Variants in ADGRG3 observed in about 807,000 individuals in gnomAD.
The protein encoded by ADGRG3 is adhesion G protein-coupled receptor G3, also known as G protein-coupled receptor 97.
A neutral mutation model predicts 54.3 loss-of-function variants in ADGRG3; 39 were observed. The ratio of observed to expected loss-of-function variants is 0.72; its 90% CI spans 0.56 to 0.94. The LOEUF (loss-of-function observed/expected upper bound fraction) is 0.94. Among genes scored for constraint, ADGRG3 ranks in the 40% least tolerant of loss-of-function variants. ADGRG3 has a pLI of 0.00. For synonymous variants in ADGRG3, 312 were observed against 290.0 expected, an observed-to-expected ratio of 1.08 and a Z score of -0.77; for missense variants, 654 against 694.6, an observed-to-expected ratio of 0.94 and a Z score of 0.66.
intron 1 of ADGRG3, among the ~76,000 whole-genome samples, chr16:57,671,337 T>G (rs909320152): frequency 1.7e-4 from 24 of 143,758 alleles, no homozygotes; most frequent in Non-Finnish European, 2.7e-4. Flanking sequence ...TAGGAGTTTT[T>G]TTTTTTTTTT....
intron 5 of ADGRG3, 24 bp downstream of exon 5, chr16:57,679,335 C>A: frequency 6.2e-7 from 1 of 1,612,652 alleles, no homozygotes; most frequent in Non-Finnish European, 8.5e-7. Context: ...TCAGGCCTGG[C>A]AGCCACTGCA....
chr16:57,680,438 T>A, intron 7 of ADGRG3, 67 bp from the exon 8 acceptor site: 1 of 1,563,272 alleles, frequency 6.4e-7, no homozygotes. Context: ...GGGGGCTGCC[T>A]GGTGGTCTTT....
At chr16:57,678,487 T>A (rs2048304496) in intron 4 of ADGRG3, 171 bp downstream of exon 4, 2 of 624,214 alleles carry the variant, frequency 3.2e-6, no homozygotes, top group Non-Finnish European at 5.6e-6. Context: ...GTCACTAGAG[T>A]CTATGGTCTT....
In ADGRG3 at chr16:57,673,439, C is replaced by A. The variant is rs753277646; in HGVS notation, c.177C>A (p.Ser59Arg). The change falls in exon 2 of 12, where the codon AGC becomes AGA. Residue 59 changes from serine (S) to arginine (R), a missense_variant. Coordinates refer to ENST00000333493, the MANE Select transcript of ADGRG3 (RefSeq NM_170776.5). ...LCFTKCRQSGSDSCNVENLQR... is the reference protein window; with the variant it reads ...LCFTKCRQSGRDSCNVENLQR... ...TCACCAAGTGCAGGCAGTCGGGCAG[C>A]GACTCCTGCAATGTGGAAAACTTGC... is the stretch of plus-strand genomic sequence containing the variant. 6.2e-7 allele frequency: 1 copy of A among 1,610,994 alleles called. No homozygotes were observed. Among genetic ancestry groups the A allele is most frequent in the South Asian group, 1.1e-5 (1 of 91,014 alleles).
At chr16:57,669,619 G>A (rs2048117199) in intron 1 of ADGRG3, among the ~76,000 whole-genome samples, 1 of 152,062 alleles carries the variant, frequency 6.6e-6, no homozygotes, top group Admixed American at 6.5e-5. Flanking sequence ...AAGGAGCTCT[G>A]AGAGGTCTAC....
At chr16:57,674,889 G>A (rs150745802) in intron 2 of ADGRG3, among the ~76,000 whole-genome samples, 3,526 of 149,978 alleles carry the variant, frequency 0.024, 125 homozygotes, top group African/African-American at 0.08. Context: ...CCAGCTACTC[G>A]GGAGGCTGAG....
intron 5 of ADGRG3, 130 bp downstream of exon 5, chr16:57,679,441 C>A: frequency 9.8e-7 from 1 of 1,020,032 alleles, no homozygotes; most frequent in Non-Finnish European, 1.5e-6. Flanking sequence ...CAGGAGGAGC[C>A]ATTAGGGCCA....
chr16:57,676,504 A>G (rs1179746831), intron 3 of ADGRG3, among the ~76,000 whole-genome samples, 166 bp downstream of exon 3: 1 of 152,212 alleles, frequency 6.6e-6, no homozygotes, highest in Non-Finnish European at 1.5e-5. Flanking sequence ...AGATTCCTCC[A>G]AGCCTAAAAT....
chr16:57,668,374 C>CCTGCTCCTG lies in ADGRG3; in HGVS notation c.30_38dup (p.Leu14_Leu16dup). On this transcript the variant is annotated inframe_insertion, in exon 1 of 12. Transcript: ENST00000333493. ...TGGCGACGCCCAGGGGCCTGGGGGC[C>CCTGCTCCTG]CTGCTCCTGCTCCTCCTGCTCCCGA... The CCTGCTCCTG allele has an allele frequency of 6.3e-7, 1 of 1,575,072 alleles. No homozygotes were observed. Among genetic ancestry groups the CCTGCTCCTG allele is most frequent in the Non-Finnish European group, 8.6e-7 (1 of 1,167,774 alleles).
intron 10 of ADGRG3, among the ~76,000 whole-genome samples, chr16:57,685,096 C>G (rs1438021729): frequency 3.3e-5 from 5 of 152,242 alleles, no homozygotes; most frequent in Non-Finnish European, 7.3e-5. Context: ...TCTAGACTCA[C>G]ACCTTGGGAT....
rs1315469162 is a variant in ADGRG3 at position 57,685,628 on chromosome 16, T to G, written c.1257-15T>G. ...GTACCACTCCCAGTCCCACCACAGC[T>G]GCCCCCTCCTCCAGATGCTGGTTCC... is the stretch of plus-strand genomic sequence containing the variant. On this transcript the variant is annotated splice_polypyrimidine_tract_variant and intron_variant, in intron 10 of 11. Transcript: ENST00000333493. 6.2e-7 allele frequency: 1 copy of G among 1,612,606 alleles called. No individual in the cohort carries two copies. The highest frequency in any genetic ancestry group is 1.3e-5 in the African/African-American group (1 of 74,896).
At chr16:57,683,876 A>G in intron 8 of ADGRG3, 56 bp from the exon 9 acceptor site, 22 of 1,467,388 alleles carry the variant, frequency 1.5e-5, no homozygotes, top group Non-Finnish European at 1.6e-5. Flanking sequence ...TGGGTGCCTC[A>G]TGGGAGCTCC....
In ADGRG3 at chr16:57,679,222, C is replaced by T. The variant is rs138473589; in HGVS notation, c.538C>T (p.Arg180Cys). Residue 180 changes from arginine (R) to cysteine (C), a missense_variant, in exon 5 of 12, where the codon CGC becomes TGC. Transcript: ENST00000333493. ...LGDGSGVLNN[R>C]LVGLSVGQMH... is the part of the protein sequence containing the mutation. ...AGATGGCAGCGGCGTGTTGAACAAT[C>T]GCCTGGTGGGTTTGAGTGTGGGACA... is the stretch of plus-strand genomic sequence containing the variant. 68 of 1,613,870 alleles carry T rather than the reference C, an allele frequency of 4.2e-5. No individual in the cohort carries two copies. In the Middle Eastern group the frequency reaches 1.8e-3, roughly 43 times the overall value.
chr16:57,667,210 G>A (rs1385754067), upstream of ADGRG3, among the ~76,000 whole-genome samples: 1 of 152,240 alleles, frequency 6.6e-6, no homozygotes, highest in Admixed American at 6.5e-5. Context: ...GGAGGAAATG[G>A]AGGCCAGCAG....
chr16:57,680,138 C>T (rs2048340214), intron 6 of ADGRG3, 127 bp from the exon 7 acceptor site: 2 of 381,766 alleles, frequency 5.2e-6, no homozygotes, highest in Non-Finnish European at 9.8e-6. Context: ...CCCCTCTGTT[C>T]ACCTCCTCTC....
At position 57,679,735 on chromosome 16, in the gene ADGRG3, G is replaced by T. The variant is rs59464512; in HGVS notation, c.628-81G>T. On this transcript the variant is annotated intron_variant, in intron 5 of 11. Coordinates refer to ENST00000333493, the MANE Select transcript of ADGRG3 (RefSeq NM_170776.5). Reference sequence around the variant, plus strand: ...TGCACACTCACACTAGGACTCGGGGGAGCACACCGTCCTCCCGCTTCCCCT... The same window carrying T: ...TGCACACTCACACTAGGACTCGGGGTAGCACACCGTCCTCCCGCTTCCCCT... 9,237 of 1,084,090 alleles carry T rather than the reference G, an allele frequency of 8.5e-3. 435 individuals carry two copies. The East Asian group carries it at 0.11, about 13-fold the overall frequency. 67.2% of individuals were successfully genotyped at this position (1,084,090 alleles called of 1,614,324 possible).
At chr16:57,671,410 G>A (rs1332303753) in intron 1 of ADGRG3, among the ~76,000 whole-genome samples, 1 of 133,316 alleles carries the variant, frequency 7.5e-6, no homozygotes, top group African/African-American at 2.8e-5. Flanking sequence ...GTGTGATCTT[G>A]GCTCACTGCA....
At position 57,673,521 on chromosome 16, in the gene ADGRG3, C is replaced by T. The variant is rs116588453; in HGVS notation, c.206+53C>T. The T allele has an allele frequency of 1.0e-3, 1,580 of 1,545,994 alleles. 20 individuals are homozygous for T. The African/African-American group carries it at 0.019, about 18-fold the overall frequency. On this transcript the variant is annotated intron_variant, in intron 2 of 11. Transcript: ENST00000333493. ...GAATCTGAAGCTGCTGGGAGGAGGA[C>T]TATCAGGAAGGGATGGGGCCATCTT... is the stretch of plus-strand genomic sequence containing the variant.
At position 57,685,882 on chromosome 16, in the gene ADGRG3, G is replaced by A; in HGVS notation, c.1496G>A (p.Gly499Asp). The A allele has an allele frequency of 6.2e-7, 1 of 1,614,118 alleles. No homozygotes were observed. The highest frequency in any genetic ancestry group is 1.6e-4 in the Middle Eastern group (1 of 6,062). Residue 499 changes from glycine to aspartate, a missense_variant, in exon 11 of 12, where the codon GGC becomes GAC. Gly to Asp is a moderately conservative substitution (Grantham distance 94). Transcript: ENST00000333493. Reference protein sequence around the residue: ...TWGLAIFTPLGLSTVYIFALF... With the variant: ...TWGLAIFTPLDLSTVYIFALF... Reference sequence around the variant, plus strand: ...GGGTTGGCCATCTTCACCCCGTTGGGCCTCTCCACCGTCTACATCTTTGCA... The same window carrying A: ...GGGTTGGCCATCTTCACCCCGTTGGACCTCTCCACCGTCTACATCTTTGCA...
Sources: allele counts gnomAD v4.1 joint callset (sites outside exome capture counted in the v4.1 genomes callset), GRCh38; gene constraint gnomAD v4.1.1; transcripts MANE v1.5; gene names NCBI Gene and HGNC (gene_info 2026-07-23, HGNC 2026-07-21).